CASTOR2: variants seen among roughly 807,000 people sequenced by gnomAD.
The protein encoded by CASTOR2 is GATS protein like 2.
CASTOR2 carries 8 observed loss-of-function variants against 31.2 expected under a neutral mutation model. That is an observed-to-expected ratio of 0.26 (90% CI 0.15 to 0.46). The LOEUF is 0.46. Among genes scored for constraint, CASTOR2 ranks in the 20% least tolerant of loss-of-function variants. CASTOR2 has a pLI of 0.99. For synonymous variants in CASTOR2, 162 were observed against 158.7 expected (o/e 1.02, Z -0.16); for missense variants, 216 against 382.1 (o/e 0.57, Z 3.62).
chr7:74,985,902 C>T (rs1804051691), intron 1 of CASTOR2, among the ~76,000 whole-genome samples: 1 of 152,022 alleles, frequency 6.6e-6, no homozygotes, highest in Non-Finnish European at 1.5e-5. Flanking sequence ...TCAGCAGATG[C>T]TCACTGAGAC....
At chr7:75,018,470 C>T (rs1260974364) in intron 4 of CASTOR2, among the ~76,000 whole-genome samples, 1 of 151,804 alleles carries the variant, frequency 6.6e-6, no homozygotes, top group Non-Finnish European at 1.5e-5. Flanking sequence ...ACCCAGGAGG[C>T]GGAGGTTGTG....
Position 74,988,506 on chromosome 7 carries a change from C to T in CASTOR2, c.114-19488C>T, listed in dbSNP as rs1266414205. 7.7e-4 allele frequency among the ~76,000 whole-genome samples: 117 copies of T among 152,216 alleles called. No homozygotes were observed. The East Asian group carries it at 0.022, about 29-fold the overall frequency. On this transcript the variant is annotated intron_variant, in intron 1 of 8. Transcript: ENST00000616305. The stretch of plus-strand genomic sequence containing the variant: ...TAGAGACAGGGTTTCACCATGTTAG[C>T]CAGGATGGTCTTGATTTCCTGACCT...
In CASTOR2 at chr7:75,012,122, T is replaced by A. The variant is rs1291948364; in HGVS notation, c.184+4058T>A. Among the ~76,000 whole-genome samples, 29 of 151,928 alleles carry A rather than the reference T, an allele frequency of 1.9e-4. 1 individual carries two copies. The highest frequency in any genetic ancestry group is 1.5e-5 in the Non-Finnish European group (1 of 68,006). ...GCCTCTAGCCTAAATAAGGAGAAAG[T>A]GCTGCCGGAAAGTAATGTGAGAAGA... On this transcript the variant is annotated intron_variant, in intron 2 of 8. Transcript: ENST00000616305.
In CASTOR2 at chr7:75,001,213, A is replaced by T. The variant is rs1159779918; in HGVS notation, c.114-6781A>T. On this transcript the variant is annotated intron_variant, in intron 1 of 8. Coordinates refer to ENST00000616305, the MANE Select transcript of CASTOR2 (RefSeq NM_001145064.3). ...CACCTCTGCCTCCTGAGTAGCTGAG[A>T]CTACAGGGGCACACCACCATGCTCA... Among the ~76,000 whole-genome samples the T allele has an allele frequency of 6.4e-4, 97 of 152,056 alleles. 1 individual carries two copies. The highest frequency in any genetic ancestry group is 4.1e-4 in the Non-Finnish European group (28 of 68,012).
intron 4 of CASTOR2, 48 bp downstream of exon 4, chr7:75,018,170 C>G: frequency 6.3e-7 from 1 of 1,595,224 alleles, no homozygotes; most frequent in Non-Finnish European, 8.5e-7. Context: ...ACGAAGTTAC[C>G]AGGCCCAGCC....
intron 7 of CASTOR2, among the ~76,000 whole-genome samples, chr7:75,022,459 C>T (rs1178684583): frequency 4.4e-5 from 4 of 91,090 alleles, no homozygotes; most frequent in African/African-American, 1.5e-4. Flanking sequence ...GAGCCATGAT[C>T]ATGCCATTGT....
intron 1 of CASTOR2, among the ~76,000 whole-genome samples, chr7:74,995,503 A>C (rs1804320894): frequency 1.7e-5 from 1 of 58,150 alleles, no homozygotes; most frequent in South Asian, 7.2e-4. Flanking sequence ...CTGTCTTTAC[A>C]AAAAAATGAA....
chr7:75,004,382 T>G (rs1208686476), intron 1 of CASTOR2, among the ~76,000 whole-genome samples: 33 of 151,884 alleles, frequency 2.2e-4, no homozygotes, highest in Admixed American at 6.6e-4. Flanking sequence ...CGTGGGTGGT[T>G]GTTCCAGCAG....
intron 7 of CASTOR2, 61 bp downstream of exon 7, chr7:75,022,017 A>T: frequency 6.5e-7 from 1 of 1,541,000 alleles, no homozygotes. Context: ...GCCCATTCAC[A>T]TACGTTGTCC....
intron 1 of CASTOR2, among the ~76,000 whole-genome samples, chr7:74,991,748 C>T (rs1257815601): frequency 6.6e-6 from 1 of 151,868 alleles, no homozygotes; most frequent in Non-Finnish European, 1.5e-5. Flanking sequence ...GAATGAGGGT[C>T]CCGGGGGAGG....
In CASTOR2 at chr7:75,026,188, G is replaced by GTTTTTTTTTTTTTTTTT. The variant is rs1178084776; in HGVS notation, c.*1489_*1490insTTTTTTTTTTTTTTTTT. ...CCCCTGTGGTTTTGGCTCTGGCGGG[G>GTTTTTTTTTTTTTTTTT]GTTTTTTTTTTTTTTTTTGAGATGG... On this transcript the variant is annotated 3_prime_UTR_variant, in exon 9 of 9. Transcript: ENST00000616305. 4.0e-3 allele frequency among the ~76,000 whole-genome samples: 456 copies of GTTTTTTTTTTTTTTTTT among 113,206 alleles called. 13 individuals are homozygous for GTTTTTTTTTTTTTTTTT. Among genetic ancestry groups the GTTTTTTTTTTTTTTTTT allele is most frequent in the Middle Eastern group, 7.1e-3 (1 of 140 alleles). The allele number at this position is 113,206 out of a possible 152,430, so 74.3% of individuals were successfully genotyped here. A position where few individuals can be genotyped will look rare whatever the true frequency, so the allele number is the denominator to read the frequency against.
chr7:74,974,390 G>GT lies in CASTOR2; in HGVS notation c.113+9293dup, dbSNP rs200020455. Among the ~76,000 whole-genome samples the GT allele has an allele frequency of 3.7e-3, 564 of 150,504 alleles. 27 individuals carry two copies. In the East Asian group the frequency reaches 0.041, roughly 11 times the overall value. On this transcript the variant is annotated intron_variant, in intron 1 of 8. Transcript: ENST00000616305. ...CGTGGGAGGAAAAGACGTGAGTCCT[G>GT]TATGTTCTCCAGCAAAGGTAGAGGG...
At chr7:75,000,856 T>G (rs1161268772) in intron 1 of CASTOR2, among the ~76,000 whole-genome samples, 17 of 152,130 alleles carry the variant, frequency 1.1e-4, no homozygotes, top group Middle Eastern at 3.4e-3. Context: ...AGAGATGGGG[T>G]TTCACCATGT....
chr7:74,998,495 C>T (rs1308814447), intron 1 of CASTOR2, among the ~76,000 whole-genome samples: 5 of 151,318 alleles, frequency 3.3e-5, no homozygotes, highest in East Asian at 1.9e-4. Context: ...CCCGGCTACT[C>T]GGGGAGCTGA....
rs1340727990 is a variant in CASTOR2, at chr7:75,026,388, G to A, written c.*1689G>A. Among the ~76,000 whole-genome samples the A allele has an allele frequency of 2.0e-5, 3 of 151,938 alleles. No homozygotes were observed. The highest frequency in any genetic ancestry group is 1.9e-4 in the East Asian group (1 of 5,184). ...TATTTTTTAATAGAGACGGGATTTCGTAACATTGCTCAGGCTGGTCTTGAA... is the reference window on the plus strand; with the variant it reads ...TATTTTTTAATAGAGACGGGATTTCATAACATTGCTCAGGCTGGTCTTGAA... On this transcript the variant is annotated 3_prime_UTR_variant, in exon 9 of 9. Transcript: ENST00000616305.
intron 1 of CASTOR2, among the ~76,000 whole-genome samples, chr7:75,003,036 A>C (rs2131941054): frequency 6.6e-6 from 1 of 152,292 alleles, no homozygotes; most frequent in South Asian, 2.1e-4. Context: ...GGAATGGCCA[A>C]CTGCCCGGCA....
Position 75,017,669 on chromosome 7 carries a change from G to A in CASTOR2, c.256G>A (p.Gly86Ser). 6.2e-7 allele frequency: 1 copy of A among 1,614,048 alleles called. No homozygotes were observed. The highest frequency in any genetic ancestry group is 8.5e-7 in the Non-Finnish European group (1 of 1,179,880). The part of the protein sequence containing the change: ...WLALNVVSGG[G>S]SFSSSQPIGV... ...GGCCCTGAACGTGGTGTCCGGCGGT[G>A]GCAGCTTCTCCAGCTCCCAGCCCAT... is the stretch of plus-strand genomic sequence containing the variant. Residue 86 changes from glycine (G) to serine (S), a missense_variant, in exon 3 of 9, where the codon GGC (glycine) becomes AGC (serine). Gly to Ser is a moderately conservative substitution (Grantham distance 56, BLOSUM62 0). Coordinates refer to ENST00000616305, the MANE Select transcript of CASTOR2 (RefSeq NM_001145064.3).
chr7:75,001,682 G>A (rs1311598892), intron 1 of CASTOR2, among the ~76,000 whole-genome samples: 35 of 152,320 alleles, frequency 2.3e-4, no homozygotes, highest in African/African-American at 7.7e-4. Context: ...CCATCCTTTC[G>A]CTCAGCAATC....
At chr7:75,009,595 A>G (rs1307717549) in intron 2 of CASTOR2, among the ~76,000 whole-genome samples, 1 of 151,940 alleles carries the variant, frequency 6.6e-6, no homozygotes, top group Non-Finnish European at 1.5e-5. Context: ...AAAAAAAATT[A>G]AAATTAAAAT....
Sources: allele counts gnomAD v4.1 joint callset (sites outside exome capture counted in the v4.1 genomes callset), GRCh38; gene constraint gnomAD v4.1.1; transcripts MANE v1.5; gene names NCBI Gene and HGNC (gene_info 2026-07-23, HGNC 2026-07-21).